Variants in PFKFB3 observed in about 807,000 individuals in gnomAD.
PFKFB3 encodes 6-phosphofructo-2-kinase/fructose-2,6-biphosphatase 3.
In PFKFB3, 33 loss-of-function variants were observed where a neutral mutation model predicts 68.0. The observed-to-expected ratio is 0.49, with a 90% confidence interval of 0.37 to 0.65. PFKFB3 has a LOEUF of 0.65. Among genes scored for constraint, PFKFB3 ranks in the 30% least tolerant of loss-of-function variants. The pLI is 0.00. For synonymous variants in PFKFB3, 315 were observed against 288.2 expected, an observed-to-expected ratio of 1.09 and a Z score of -0.94; for missense variants, 586 against 712.2, an observed-to-expected ratio of 0.82 and a Z score of 2.02.
At chr10:6,162,922 C>G (rs75366168) in intron 1 of PFKFB3, among the ~76,000 whole-genome samples, 2,779 of 152,270 alleles carry the variant, frequency 0.018, 34 homozygotes, top group South Asian at 0.06. Flanking sequence ...CCGGAGTGTC[C>G]GTGTTTCCAG....
At chr10:6,202,013 G>C (rs3814192), upstream of PFKFB3, among the ~76,000 whole-genome samples, 6,224 of 152,314 alleles carry the variant, frequency 0.041, 160 homozygotes, top group East Asian at 0.13. Flanking sequence ...TTAGGAGTCT[G>C]CCTAATAAGG....
chr10:6,231,526 C>T (rs556626409), intron 14 of PFKFB3: 17 of 985,254 alleles, frequency 1.7e-5, no homozygotes, highest in Middle Eastern at 1.0e-3. Flanking sequence ...GGACATCACC[C>T]GGTCTTGCAG....
intron 1 of PFKFB3, among the ~76,000 whole-genome samples, chr10:6,171,133 C>T (rs371969420): frequency 3.9e-5 from 6 of 152,014 alleles, no homozygotes; most frequent in African/African-American, 9.7e-5. Context: ...CCGCAACCTC[C>T]GTCTCCCGGG....
intron 1 of PFKFB3, among the ~76,000 whole-genome samples, chr10:6,149,315 C>T (rs955409491): frequency 4.0e-5 from 6 of 151,810 alleles, no homozygotes; most frequent in Non-Finnish European, 5.9e-5. Context: ...AGGCCGGGTG[C>T]GGTGGCTCAT....
chr10:6,254,266 T>C (rs912505320), exon 15 of PFKFB3: 7 of 398,294 alleles, frequency 1.8e-5, no homozygotes, highest in African/African-American at 1.4e-4. Context: ...CCCAGAGAGG[T>C]GACCGTGGCA....
At position 6,196,675 on chromosome 10, in the gene PFKFB3, G is replaced by T. The variant is rs183764761; in HGVS notation, c.17-16948G>T. ...TGCCTGCTTTTGTTCGGGCCCTGCT[G>T]GCAGCTGATTAGATGGTGTCCACCC... is the stretch of plus-strand genomic sequence containing the variant. On this transcript the variant is annotated intron_variant, in intron 1 of 14. Coordinates refer to the PFKFB3 transcript ENST00000379789. Among the ~76,000 whole-genome samples, 39 of 152,220 alleles carry T rather than the reference G, an allele frequency of 2.6e-4. No homozygotes were observed. In the East Asian group the frequency reaches 6.8e-3, roughly 26 times the overall value.
In PFKFB3 at chr10:6,235,394, G is replaced by T. The variant is rs1239071165; in HGVS notation, c.*2452G>T. 2.0e-5 allele frequency: 3 copies of T among 152,450 alleles called. No homozygotes were observed. The East Asian group carries it at 5.6e-4, about 29-fold the overall frequency. The allele number at this position is 152,450 out of a possible 1,614,324, so 9.4% of individuals were successfully genotyped here. ...TGGGAGCCTCCTATGTGTGACTTAT[G>T]ACTTCTCTGTGTTCTGTGTATTTGT... On this transcript the variant is annotated 3_prime_UTR_variant, in exon 15 of 15. Transcript: ENST00000379775.
At chr10:6,204,758 G>C (rs922743033) in intron 1 of PFKFB3, among the ~76,000 whole-genome samples, 1 of 152,242 alleles carries the variant, frequency 6.6e-6, no homozygotes, top group Non-Finnish European at 1.5e-5. Context: ...TAAATCCCCA[G>C]GGAGGTTTGG....
At chr10:6,156,830 G>A (rs1233654147) in intron 1 of PFKFB3, among the ~76,000 whole-genome samples, 2 of 151,758 alleles carry the variant, frequency 1.3e-5, no homozygotes, top group African/African-American at 2.4e-5. Context: ...GGTGACTCAC[G>A]CCTGTAATCC....
chr10:6,172,823 GAA>G (rs56885054), intron 1 of PFKFB3, among the ~76,000 whole-genome samples: 7 of 143,308 alleles, frequency 4.9e-5, no homozygotes, highest in South Asian at 2.2e-4. Flanking sequence ...CTTCATCTCA[GAA>G]AAAAAAAAAA....
chr10:6,243,110 G>A (rs372210156), intron 14 of PFKFB3, among the ~76,000 whole-genome samples: 3 of 152,154 alleles, frequency 2.0e-5, no homozygotes, highest in Admixed American at 1.3e-4. Context: ...CAGAGCTAAC[G>A]TCTAATTGAT....
At chr10:6,315,272 A>C in the PFKFB3 span, among the ~76,000 whole-genome samples, 2 of 152,208 alleles carry the variant, frequency 1.3e-5, no homozygotes, top group Admixed American at 1.3e-4. Flanking sequence ...CAGAGTGCGC[A>C]TGAAACTGTT....
At chr10:6,231,476 C>A in intron 14 of PFKFB3, 1 of 985,338 alleles carries the variant, frequency 1.0e-6, no homozygotes, top group South Asian at 4.7e-5. Flanking sequence ...GTCTCTCACC[C>A]CCCACGTGTC....
chr10:6,297,965 A>C, the PFKFB3 span, among the ~76,000 whole-genome samples: 1 of 152,322 alleles, frequency 6.6e-6, no homozygotes, highest in East Asian at 1.9e-4. Context: ...ATGAACAAAC[A>C]TATACATTAC....
chr10:6,206,568 G>A (rs1395393653), intron 1 of PFKFB3, among the ~76,000 whole-genome samples: 1 of 58,194 alleles, frequency 1.7e-5, no homozygotes, highest in Admixed American at 2.2e-4. Context: ...CGGGGCGGCT[G>A]GCCGGGCAGG....
chr10:6,145,203 C>T (rs940257849), intron 1 of PFKFB3, among the ~76,000 whole-genome samples: 2 of 152,104 alleles, frequency 1.3e-5, no homozygotes, highest in African/African-American at 4.8e-5. Flanking sequence ...CGCCCCGGAC[C>T]CGCGTGTCCC....
intron 10 of PFKFB3, 70 bp from the exon 11 acceptor site, chr10:6,222,785 A>T: frequency 1.3e-6 from 2 of 1,523,248 alleles, no homozygotes; most frequent in Non-Finnish European, 1.8e-6. Flanking sequence ...GGTCTGATGC[A>T]GTCTGTGGCC....
At chr10:6,224,574 G>A in intron 13 of PFKFB3, 2 of 438,790 alleles carry the variant, frequency 4.6e-6, no homozygotes, top group Non-Finnish European at 9.1e-6. Context: ...TCAACCTCCT[G>A]GGTTCAAGTG....
chr10:6,256,781 T>G (rs2132086731), downstream of PFKFB3, among the ~76,000 whole-genome samples: 1 of 152,302 alleles, frequency 6.6e-6, no homozygotes, highest in East Asian at 1.9e-4. Flanking sequence ...GATGTTCAAA[T>G]CGACCCATGG....
Sources: allele counts gnomAD v4.1 joint callset (sites outside exome capture counted in the v4.1 genomes callset), GRCh38; gene constraint gnomAD v4.1.1; transcripts MANE v1.5; gene names NCBI Gene and HGNC (gene_info 2026-07-23, HGNC 2026-07-21).